ENTPD3: variants seen among roughly 807,000 people sequenced by gnomAD.
The protein encoded by ENTPD3 is CD39 antigen-like 3.
Under a neutral mutation model 51.2 loss-of-function variants are expected in ENTPD3, and 60 were observed. The observed-to-expected ratio is 1.17, with a 90% CI of 0.95 to 1.45. The LOEUF (loss-of-function observed/expected upper bound fraction) is 1.45, where lower values mean the gene tolerates loss of function less well. ENTPD3 is among the 40% of genes most tolerant of loss of function. The pLI is 0.00. For synonymous variants in ENTPD3, 221 were observed against 238.4 expected, an observed-to-expected ratio of 0.93 and a Z score of 0.67; for missense variants, 593 against 641.1, an observed-to-expected ratio of 0.93 and a Z score of 0.81.
rs992270381 is a variant in ENTPD3 at position 40,414,551 on chromosome 3, A to G, written c.438-130A>G. ...CAAAAGGGATTGTGGTGTACAGCAC[A>G]CATCTGGAAAATCATTCATCCCCAC... On this transcript the variant is annotated intron_variant, in intron 5 of 10. Transcript: ENST00000301825. 3.0e-6 allele frequency: 3 copies of G among 1,000,694 alleles called. No individual in the cohort carries two copies. In the African/African-American group the frequency reaches 4.9e-5, roughly 16 times the overall value. 62.0% of individuals were successfully genotyped at this position (1,000,694 alleles called of 1,614,324 possible). A position where few individuals can be genotyped will look rare whatever the true frequency, so the allele number is the denominator to read the frequency against.
At chr3:40,407,228 C>T (rs1035011360) in intron 4 of ENTPD3, among the ~76,000 whole-genome samples, 11 of 151,894 alleles carry the variant, frequency 7.2e-5, no homozygotes, top group Non-Finnish European at 1.3e-4. Flanking sequence ...AAGAGCTACA[C>T]GATAAATATT....
At chr3:40,409,040 G>T (rs1168279203) in intron 4 of ENTPD3, among the ~76,000 whole-genome samples, 1 of 151,858 alleles carries the variant, frequency 6.6e-6, no homozygotes, top group African/African-American at 2.4e-5. Flanking sequence ...ATCAGCTGAA[G>T]TCAGGAGTTT....
intron 6 of ENTPD3, 93 bp downstream of exon 6, chr3:40,414,933 A>G (rs766319813): frequency 1.5e-6 from 2 of 1,291,706 alleles, no homozygotes; most frequent in Non-Finnish European, 2.2e-6. Flanking sequence ...CATCAGGGAT[A>G]TCTGCCCTGT....
At chr3:40,427,010 T>C (rs929061147) in intron 10 of ENTPD3, among the ~76,000 whole-genome samples, 5 of 152,204 alleles carry the variant, frequency 3.3e-5, no homozygotes, top group Non-Finnish European at 7.3e-5. Flanking sequence ...TTCACTGTTA[T>C]TAACTGTGCC....
Position 40,414,841 on chromosome 3 carries a change from G to A in ENTPD3, c.597+1G>A. 1 of 1,613,948 alleles carries A rather than the reference G, an allele frequency of 6.2e-7. No individual in the cohort carries two copies. The highest frequency in any genetic ancestry group is 8.5e-7 in the Non-Finnish European group (1 of 1,179,896). ...CTATTTAATGGGAAATTTCCTGGAG[G>A]TGTGTGCAAACAAATGCATGGTTTT... On this transcript the variant is annotated splice_donor_variant, in intron 6 of 10. Coordinates refer to ENST00000301825, the MANE Select transcript of ENTPD3 (RefSeq NM_001248.4). LOFTEE classifies it high-confidence loss of function.
chr3:40,407,219 A>G (rs1955524679), intron 4 of ENTPD3, among the ~76,000 whole-genome samples: 1 of 152,130 alleles, frequency 6.6e-6, no homozygotes, highest in Non-Finnish European at 1.5e-5. Flanking sequence ...TTTTCTGTAA[A>G]GAGCTACACG....
rs756638040 is a variant in ENTPD3, at chr3:40,423,337, G to T, written c.1151G>T (p.Gly384Val). The T allele has an allele frequency of 6.2e-7, 1 of 1,613,862 alleles. No homozygotes were observed. The highest frequency in any genetic ancestry group is 1.3e-5 in the African/African-American group (1 of 74,870). Residue 384 changes from glycine to valine, a missense_variant, in exon 9 of 11, where the codon GGT (glycine) becomes GTT (valine). Gly to Val is a moderately radical substitution (Grantham distance 109). Coordinates refer to ENST00000301825, the MANE Select transcript of ENTPD3 (RefSeq NM_001248.4). ...ACAGCCAGTGCTTTAAATCTTTCAGGTAGCTTTTCCCTGGACACCTTCAAC... is the reference window on the plus strand; with the variant it reads ...ACAGCCAGTGCTTTAAATCTTTCAGTTAGCTTTTCCCTGGACACCTTCAAC... ...YYTASALNLS[G>V]SFSLDTFNSS...
At chr3:40,391,065 C>A (rs1165334610) in intron 2 of ENTPD3, 2 of 152,108 alleles carry the variant, frequency 1.3e-5, no homozygotes, top group African/African-American at 4.8e-5. Context: ...TGGCTTCAAG[C>A]AATTCTCCCA....
intron 2 of ENTPD3, 121 bp from the exon 3 acceptor site, chr3:40,391,902 C>A: frequency 1.7e-6 from 2 of 1,164,074 alleles, no homozygotes; most frequent in Non-Finnish European, 2.5e-6. Flanking sequence ...GTGGGTCTCG[C>A]TAACACCAGA....
Position 40,394,327 on chromosome 3 carries a change from G to C in ENTPD3, c.168+2177G>C, listed in dbSNP as rs532553031. 1.2e-5 allele frequency: 4 copies of C among 333,882 alleles called. No individual in the cohort carries two copies. The East Asian group carries it at 5.2e-4, about 43-fold the overall frequency. The allele number at this position is 333,882 out of a possible 1,614,324, so 20.7% of individuals were successfully genotyped here. A position where few individuals can be genotyped will look rare whatever the true frequency, so the allele number is the denominator to read the frequency against. On this transcript the variant is annotated intron_variant, in intron 3 of 10. Coordinates refer to ENST00000301825, the MANE Select transcript of ENTPD3 (RefSeq NM_001248.4). ...AGTACAGATAGGGTTTCACCGTGTT[G>C]ACCAGGCTAGTCTTGAACTCCTGAC...
At chr3:40,415,775 G>C in intron 6 of ENTPD3, 65 bp from the exon 7 acceptor site, 2 of 1,316,222 alleles carry the variant, frequency 1.5e-6, no homozygotes, top group Non-Finnish European at 2.2e-6. Context: ...CTTGGGTGGA[G>C]AACTCTGGGC....
chr3:40,401,757 T>C (rs1240655398), intron 4 of ENTPD3, among the ~76,000 whole-genome samples: 1 of 152,164 alleles, frequency 6.6e-6, no homozygotes. Flanking sequence ...CATTAAAAAA[T>C]GTAAAAACTC....
At chr3:40,416,682 G>GT (rs1451304946) in intron 7 of ENTPD3, among the ~76,000 whole-genome samples, 1 of 152,180 alleles carries the variant, frequency 6.6e-6, no homozygotes, top group Non-Finnish European at 1.5e-5. Context: ...ACATTATGCA[G>GT]TGTGTGTTCA....
intron 3 of ENTPD3, 70 bp downstream of exon 3, chr3:40,392,220 A>G (rs188884286): frequency 6.4e-7 from 1 of 1,567,132 alleles, no homozygotes; most frequent in African/African-American, 1.4e-5. Context: ...TTATTCCAAA[A>G]CCATGAGTTA....
At chr3:40,414,250 C>T (rs573595923) in intron 5 of ENTPD3, among the ~76,000 whole-genome samples, 2 of 152,316 alleles carry the variant, frequency 1.3e-5, no homozygotes, top group South Asian at 4.1e-4. Flanking sequence ...CCCCTTCCTA[C>T]TAAGCTCCCT....
chr3:40,414,042 T>C (rs1052624334), intron 5 of ENTPD3, among the ~76,000 whole-genome samples: 48 of 152,236 alleles, frequency 3.2e-4, no homozygotes, highest in African/African-American at 1.1e-3. Flanking sequence ...CTTTCTTTCA[T>C]AGGGTAAAAT....
intron 4 of ENTPD3, among the ~76,000 whole-genome samples, chr3:40,406,099 T>C (rs1024827389): frequency 2.0e-5 from 3 of 152,030 alleles, no homozygotes; most frequent in African/African-American, 7.2e-5. Flanking sequence ...TGAAGAGAAA[T>C]CAGGCAGGGC....
rs190295236 is a variant in ENTPD3, at chr3:40,398,091, C to T, written c.169-2803C>T. On this transcript the variant is annotated intron_variant, in intron 3 of 10. Coordinates refer to ENST00000301825, the MANE Select transcript of ENTPD3 (RefSeq NM_001248.4). The stretch of plus-strand genomic sequence containing the variant: ...ATGGTAGGGCTAGATCCGTGTGAGT[C>T]GGTAGAGGTGGGCCTATATCAGCAG... 1.4e-3 allele frequency among the ~76,000 whole-genome samples: 211 copies of T among 152,226 alleles called. 1 individual carries two copies. The highest frequency in any genetic ancestry group is 4.3e-3 in the African/African-American group (178 of 41,518).
At chr3:40,393,721 T>C (rs544222297) in intron 3 of ENTPD3, among the ~76,000 whole-genome samples, 1 of 152,200 alleles carries the variant, frequency 6.6e-6, no homozygotes, top group East Asian at 1.9e-4. Flanking sequence ...TCCAAAGATA[T>C]TAGCTGAGGC....
Sources: gnomAD v4.1 joint callset for allele counts (sites outside exome capture counted in the v4.1 genomes callset) on GRCh38, gnomAD v4.1.1 for gene constraint, MANE v1.5 for transcripts, NCBI Gene and HGNC (gene_info 2026-07-23, HGNC 2026-07-21) for gene names.